Variants in LURAP1L observed in about 807,000 individuals in gnomAD.
LURAP1L encodes the protein leucine rich adaptor protein 1 like.
Under a neutral mutation model 13.8 loss-of-function variants are expected in LURAP1L, and 12 were observed. The observed-to-expected ratio is 0.87, with a 90% CI of 0.56 to 1.41. The LOEUF is 1.41. Among genes scored for constraint, LURAP1L ranks in the 40% most tolerant of loss-of-function variants. The pLI is 0.00. For synonymous variants in LURAP1L, 139 were observed against 119.2 expected (o/e 1.17, Z -1.08); for missense variants, 375 against 292.9 (o/e 1.28, Z -2.04).
Position 12,803,808 on chromosome 9 carries a change from C to T in LURAP1L, c.313-17578C>T, listed in dbSNP as rs80162609. On this transcript the variant is annotated intron_variant, in intron 1 of 1. Transcript: ENST00000319264. ...ACTTAAACACTTTAATTTCTACAGA[C>T]TAGAGATAAAGCATAAAAATTTAGT... Among the ~76,000 whole-genome samples the T allele has an allele frequency of 8.0e-3, 1,214 of 152,268 alleles. 11 individuals carry two copies. The highest frequency in any genetic ancestry group is 0.027 in the African/African-American group (1,107 of 41,550).
At chr9:12,786,637 T>TA (rs1224797518) in intron 1 of LURAP1L, among the ~76,000 whole-genome samples, 1 of 142,426 alleles carries the variant, frequency 7.0e-6, no homozygotes, top group Non-Finnish European at 1.5e-5. Context: ...TTACTTATGG[T>TA]AAAAATCTTC....
rs761252655 is a variant in LURAP1L, at chr9:12,821,657, C to A, written c.584C>A (p.Thr195Asn). The change falls in exon 2 of 2, where the codon ACC (threonine) becomes AAC (asparagine). Residue 195 changes from threonine to asparagine, a missense_variant. By Grantham distance (65) the Thr-to-Asn change is moderately conservative (BLOSUM62 0). Transcript: ENST00000319264. ...TLADDVPGHQ[T>N]PSDLDQFSDS... ...GCGGATGATGTCCCAGGCCATCAGA[C>A]CCCTTCAGACTTGGACCAATTCAGT... The A allele has an allele frequency of 1.9e-6, 3 of 1,614,058 alleles. No homozygotes were observed. The East Asian group carries it at 6.7e-5, about 36-fold the overall frequency.
chr9:12,812,015 G>A (rs926242539), intron 1 of LURAP1L, among the ~76,000 whole-genome samples: 3 of 152,158 alleles, frequency 2.0e-5, no homozygotes, highest in Admixed American at 2.0e-4. Context: ...CTTACTTTAT[G>A]CATCTCACAA....
chr9:12,817,302 CT>C (rs1272764272), intron 1 of LURAP1L, among the ~76,000 whole-genome samples: 5 of 152,088 alleles, frequency 3.3e-5, no homozygotes, highest in Admixed American at 6.5e-5. Flanking sequence ...AGCAAAGTTT[CT>C]TATTCAGATG....
intron 1 of LURAP1L, among the ~76,000 whole-genome samples, chr9:12,812,229 G>C (rs1197531384): frequency 6.6e-6 from 1 of 152,200 alleles, no homozygotes; most frequent in African/African-American, 2.4e-5. Flanking sequence ...GATACCAGAA[G>C]AGGGTGGTTA....
intron 1 of LURAP1L, chr9:12,777,553 TAATA>T (rs576733666): frequency 1.1e-4 from 111 of 973,580 alleles, no homozygotes; most frequent in Middle Eastern, 5.3e-4. Flanking sequence ...TCACTTAATC[TAATA>T]AATAAATCTT....
At chr9:12,799,379 C>A (rs1257662116) in intron 1 of LURAP1L, among the ~76,000 whole-genome samples, 1 of 151,922 alleles carries the variant, frequency 6.6e-6, no homozygotes, top group Non-Finnish European at 1.5e-5. Flanking sequence ...CAGAGTAATA[C>A]ATATAATATC....
At chr9:12,795,401 TAATA>T (rs1331393562) in intron 1 of LURAP1L, among the ~76,000 whole-genome samples, 16 of 152,052 alleles carry the variant, frequency 1.1e-4, no homozygotes, top group East Asian at 3.8e-4. Context: ...AATGTATTAA[TAATA>T]AATTAATTAT....
chr9:12,812,008 A>C (rs1430513557), intron 1 of LURAP1L, among the ~76,000 whole-genome samples: 1 of 152,106 alleles, frequency 6.6e-6, no homozygotes, highest in Non-Finnish European at 1.5e-5. Context: ...TCAGTTCCTT[A>C]CTTTATGCAT....
intron 1 of LURAP1L, among the ~76,000 whole-genome samples, chr9:12,789,060 A>T (rs1819403775): frequency 6.6e-6 from 1 of 150,384 alleles, no homozygotes; most frequent in South Asian, 2.1e-4. Flanking sequence ...ACAGAGTGAG[A>T]GTGAGATCCT....
At position 12,776,996 on chromosome 9, in the gene LURAP1L, T is replaced by C. The variant is rs570821276; in HGVS notation, c.312+969T>C. Among the ~76,000 whole-genome samples, 5 of 152,286 alleles carry C rather than the reference T, an allele frequency of 3.3e-5. No homozygotes were observed. In the East Asian group the frequency reaches 9.7e-4, roughly 29 times the overall value. On this transcript the variant is annotated intron_variant, in intron 1 of 1. Transcript: ENST00000319264. ...ACCACAAAGCAACAGCATTTTCTACTAGCTTGGAGATAAGGAAAGTTGCAA... is the reference window on the plus strand; with the variant it reads ...ACCACAAAGCAACAGCATTTTCTACCAGCTTGGAGATAAGGAAAGTTGCAA...
intron 1 of LURAP1L, among the ~76,000 whole-genome samples, chr9:12,805,015 A>T (rs902778963): frequency 1.4e-3 from 214 of 152,292 alleles, no homozygotes; most frequent in African/African-American, 5.0e-3. Flanking sequence ...TCTTCATTAG[A>T]AAAGAAATAT....
At position 12,821,750 on chromosome 9, in the gene LURAP1L, G is replaced by T. The variant is rs748944384; in HGVS notation, c.677G>T (p.Cys226Phe). ...KRPKLDSEYYCFG is the reference protein window; with the variant it reads ...KRPKLDSEYYFFG ...CCTAAATTGGATTCTGAATACTACTGCTTTGGCTAGTGACAGTTTTTTGCA... is the reference window on the plus strand; with the variant it reads ...CCTAAATTGGATTCTGAATACTACTTCTTTGGCTAGTGACAGTTTTTTGCA... Residue 226 changes from cysteine (C) to phenylalanine (F), a missense_variant, in exon 2 of 2, where the codon TGC (cysteine) becomes TTC (phenylalanine). Cys to Phe is a radical substitution (Grantham distance 205). Coordinates refer to ENST00000319264, the MANE Select transcript of LURAP1L (RefSeq NM_203403.2). 1 of 1,609,398 alleles carries T rather than the reference G, an allele frequency of 6.2e-7. No homozygotes were observed. Among genetic ancestry groups the T allele is most frequent in the Non-Finnish European group, 8.5e-7 (1 of 1,176,260 alleles).
In LURAP1L at chr9:12,820,040, A is replaced by G. The variant is rs369417790; in HGVS notation, c.313-1346A>G. On this transcript the variant is annotated intron_variant, in intron 1 of 1. Transcript: ENST00000319264. ...TCCTGCCAGGCTCTGTACTCGAGCC[A>G]TATCTCTTCTGTTCCAACAGAACAA... 2.2e-3 allele frequency among the ~76,000 whole-genome samples: 340 copies of G among 152,304 alleles called. 2 individuals are homozygous for G. Among genetic ancestry groups the G allele is most frequent in the African/African-American group, 7.8e-3 (325 of 41,578 alleles).
At position 12,778,282 on chromosome 9, in the gene LURAP1L, G is replaced by A. The variant is rs544711022; in HGVS notation, c.312+2255G>A. ...TTAGCTTATCTTCCCCGGCAAAAAG[G>A]CTTGTCCCGCTCTCTGTGGCCCTCA... On this transcript the variant is annotated intron_variant, in intron 1 of 1. Transcript: ENST00000319264. Among the ~76,000 whole-genome samples, 11 of 152,194 alleles carry A rather than the reference G, an allele frequency of 7.2e-5. No individual in the cohort carries two copies. The South Asian group carries it at 2.3e-3, about 32-fold the overall frequency.
chr9:12,797,916 T>C (rs1213529105), intron 1 of LURAP1L, among the ~76,000 whole-genome samples: 2 of 152,168 alleles, frequency 1.3e-5, no homozygotes, highest in East Asian at 3.9e-4. Flanking sequence ...TTTTATCTTC[T>C]GAGTTTATGA....
intron 1 of LURAP1L, among the ~76,000 whole-genome samples, chr9:12,796,968 A>G (rs1044904783): frequency 6.6e-6 from 1 of 151,864 alleles, no homozygotes; most frequent in African/African-American, 2.4e-5. Flanking sequence ...CTGTCATTGT[A>G]CCTGGCACTT....
chr9:12,812,758 T>A (rs1034010356), intron 1 of LURAP1L, among the ~76,000 whole-genome samples: 4 of 151,962 alleles, frequency 2.6e-5, no homozygotes, highest in African/African-American at 7.3e-5. Context: ...GCTGAACAAC[T>A]CTGCATTATA....
chr9:12,776,413 A>G (rs886872821), intron 1 of LURAP1L, among the ~76,000 whole-genome samples: 1 of 152,162 alleles, frequency 6.6e-6, no homozygotes, highest in African/African-American at 2.4e-5. Flanking sequence ...CACTTCGGGT[A>G]GGTTCAAAAG....
Sources: allele counts gnomAD v4.1 joint callset (sites outside exome capture counted in the v4.1 genomes callset), GRCh38; gene constraint gnomAD v4.1.1; transcripts MANE v1.5; gene names NCBI Gene and HGNC (gene_info 2026-07-23, HGNC 2026-07-21).